FAM13A: variants seen among roughly 807,000 people sequenced by gnomAD.
FAM13A encodes the protein protein FAM13A.
In FAM13A, 76 loss-of-function variants were observed where a neutral mutation model predicts 129.6. The ratio of observed to expected loss-of-function variants is 0.59; its 90% confidence interval spans 0.49 to 0.71. The LOEUF (loss-of-function observed/expected upper bound fraction) is 0.71. Among genes scored for constraint, FAM13A ranks in the 30% least tolerant of loss-of-function variants. The pLI is 0.00. For missense variants in FAM13A, 1,108 were observed against 1,249.3 expected (o/e 0.89, Z 1.70); for synonymous variants, 443 against 449.9 (o/e 0.98, Z 0.20).
chr4:89,040,525 G>T lies in FAM13A; in HGVS notation c.28-10876C>A, dbSNP rs933758193. 2.0e-5 allele frequency among the ~76,000 whole-genome samples: 3 copies of T among 152,134 alleles called. No homozygotes were observed. In the South Asian group the frequency reaches 6.2e-4, roughly 32 times the overall value. On this transcript the variant is annotated intron_variant, in intron 1 of 23. Transcript: ENST00000264344. ...AATTGGAGGATTACTATTTTATAGAGACATAGACAATCATACTAGCTTGGA... is the reference window on the plus strand; with the variant it reads ...AATTGGAGGATTACTATTTTATAGATACATAGACAATCATACTAGCTTGGA...
At chr4:88,795,468 A>G (rs565611749) in intron 8 of FAM13A, among the ~76,000 whole-genome samples, 2 of 151,916 alleles carry the variant, frequency 1.3e-5, no homozygotes, top group African/African-American at 2.4e-5. Flanking sequence ...AGTATGTTTT[A>G]GCATAAAAAG....
chr4:89,023,068 A>G (rs1208988428), intron 2 of FAM13A, among the ~76,000 whole-genome samples: 1 of 152,168 alleles, frequency 6.6e-6, no homozygotes, highest in East Asian at 1.9e-4. Flanking sequence ...GATAAATACT[A>G]TTGTTTTAAT....
chr4:88,843,032 T>C (rs1736078444), intron 7 of FAM13A, among the ~76,000 whole-genome samples: 1 of 152,250 alleles, frequency 6.6e-6, no homozygotes, highest in Non-Finnish European at 1.5e-5. Flanking sequence ...TGAAATAGTT[T>C]ATCTAAGGCC....
At chr4:88,771,792 A>G (rs946142848) in intron 11 of FAM13A, among the ~76,000 whole-genome samples, 6 of 152,206 alleles carry the variant, frequency 3.9e-5, no homozygotes, top group African/African-American at 1.4e-4. Flanking sequence ...TATAAGTCCT[A>G]TCAATGACTT....
At chr4:88,933,249 A>G (rs1753330638) in intron 5 of FAM13A, among the ~76,000 whole-genome samples, 2 of 152,174 alleles carry the variant, frequency 1.3e-5, no homozygotes, top group South Asian at 4.1e-4. Context: ...TCATCACATT[A>G]TTTTATAGGA....
At chr4:88,880,782 G>C (rs1182711332) in intron 6 of FAM13A, among the ~76,000 whole-genome samples, 1 of 124,444 alleles carries the variant, frequency 8.0e-6, no homozygotes, top group Non-Finnish European at 1.7e-5. Context: ...GCGGTGGGGG[G>C]CGGGGGGGGG....
chr4:88,972,618 TG>T (rs960814041), intron 4 of FAM13A, among the ~76,000 whole-genome samples: 1 of 151,794 alleles, frequency 6.6e-6, no homozygotes, highest in Admixed American at 6.6e-5. Flanking sequence ...CACTTTTTTT[TG>T]GGGGGGAGAA....
At chr4:88,767,127 GCAAA>G (rs1745839775) in intron 13 of FAM13A, among the ~76,000 whole-genome samples, 1 of 152,130 alleles carries the variant, frequency 6.6e-6, no homozygotes, top group African/African-American at 2.4e-5. Flanking sequence ...ACAAAACTCA[GCAAA>G]CAAATTGGAT....
chr4:89,040,033 T>C (rs1479446023), intron 1 of FAM13A, among the ~76,000 whole-genome samples: 2 of 152,116 alleles, frequency 1.3e-5, no homozygotes, highest in African/African-American at 4.8e-5. Context: ...GTATTGGATA[T>C]TAGACAGTGT....
intron 4 of FAM13A, among the ~76,000 whole-genome samples, chr4:88,967,602 GTAGCC>G: frequency 6.6e-6 from 1 of 152,174 alleles, no homozygotes; most frequent in African/African-American, 2.4e-5. Context: ...CTTAAGGAGA[GTAGCC>G]TTATCTTTGC....
intron 1 of FAM13A, 118 bp downstream of exon 1, chr4:89,056,819 TC>T: frequency 1.0e-6 from 1 of 963,680 alleles, no homozygotes; most frequent in East Asian, 2.4e-5. Context: ...AACAAATCTT[TC>T]CCCACCTCCT....
chr4:88,819,337 A>C (rs1313170319), intron 7 of FAM13A, among the ~76,000 whole-genome samples: 6 of 152,056 alleles, frequency 3.9e-5, no homozygotes, highest in Non-Finnish European at 5.9e-5. Flanking sequence ...ACTTCATCTC[A>C]TCTGCCATCA....
chr4:89,024,415 G>GA (rs1767668220), intron 2 of FAM13A, among the ~76,000 whole-genome samples: 1 of 152,180 alleles, frequency 6.6e-6, no homozygotes, highest in Non-Finnish European at 1.5e-5. Context: ...ACCTTTAAAT[G>GA]AAAATATCCA....
At chr4:88,908,935 G>T (rs532542749) in intron 5 of FAM13A, among the ~76,000 whole-genome samples, 3 of 152,178 alleles carry the variant, frequency 2.0e-5, no homozygotes, top group African/African-American at 7.2e-5. Context: ...ATGGTACTTA[G>T]ATTTCTGGAG....
At chr4:88,944,548 T>A (rs1212023470) in intron 4 of FAM13A, among the ~76,000 whole-genome samples, 1 of 152,102 alleles carries the variant, frequency 6.6e-6, no homozygotes, top group Non-Finnish European at 1.5e-5. Context: ...AGATATTAGA[T>A]GCCGCAGGCA....
At chr4:88,850,951 C>G (rs1737456496) in intron 7 of FAM13A, 69 bp downstream of exon 7, 2 of 1,385,768 alleles carry the variant, frequency 1.4e-6, no homozygotes, top group Middle Eastern at 4.0e-4. Context: ...GAAATACCTA[C>G]ATATGCGGGC....
intron 4 of FAM13A, among the ~76,000 whole-genome samples, chr4:88,976,381 C>T (rs553096124): frequency 2.0e-5 from 3 of 152,228 alleles, no homozygotes; most frequent in African/African-American, 7.2e-5. Flanking sequence ...ACAACTAAGG[C>T]TGGTTATTCA....
intron 2 of FAM13A, among the ~76,000 whole-genome samples, chr4:89,025,514 T>C (rs1767861317): frequency 6.6e-6 from 1 of 151,810 alleles, no homozygotes; most frequent in South Asian, 2.1e-4. Flanking sequence ...TCCACCCGCC[T>C]CGGCCTCCCA....
chr4:88,765,042 A>C (rs1239724296), intron 13 of FAM13A, among the ~76,000 whole-genome samples: 1 of 152,216 alleles, frequency 6.6e-6, no homozygotes, highest in Non-Finnish European at 1.5e-5. Context: ...CAAACAAAAC[A>C]CATTAAAGGC....
Sources: gnomAD v4.1 joint callset for allele counts (sites outside exome capture counted in the v4.1 genomes callset) on GRCh38, gnomAD v4.1.1 for gene constraint, MANE v1.5 for transcripts, NCBI Gene and HGNC (gene_info 2026-07-23, HGNC 2026-07-21) for gene names.